The following PISD variants were observed in gnomAD, a reference collection of about 807,000 sequenced individuals.
The protein encoded by PISD is phosphatidylserine decarboxylase proenzyme, mitochondrial.
Under a neutral mutation model 43.5 loss-of-function variants are expected in PISD, and 31 were observed. The observed-to-expected ratio is 0.71, with a 90% CI of 0.54 to 0.96. The LOEUF is 0.96. Ranked by LOEUF, PISD falls within the 40% of genes least tolerant of loss-of-function variation. PISD has a pLI of 0.00. For synonymous variants in PISD, 259 were observed against 228.7 expected (o/e 1.13, Z -1.20); for missense variants, 523 against 548.4 (o/e 0.95, Z 0.46).
intron 3 of PISD, chr22:31,628,819 G>A (rs1287770192): frequency 6.1e-6 from 6 of 985,378 alleles, no homozygotes; most frequent in Admixed American, 6.1e-5. Flanking sequence ...CTAGGAGCGC[G>A]ACGCAGCCTC....
intron 1 of PISD, among the ~76,000 whole-genome samples, chr22:31,651,140 T>C (rs753394539): frequency 2.0e-5 from 3 of 152,062 alleles, no homozygotes; most frequent in Non-Finnish European, 4.4e-5. Context: ...ACTTTAGTAT[T>C]TTTAGTAGAG....
At chr22:31,646,750 G>T (rs2073898375) in intron 3 of PISD, among the ~76,000 whole-genome samples, 2 of 152,272 alleles carry the variant, frequency 1.3e-5, no homozygotes, top group East Asian at 1.9e-4. Flanking sequence ...AATGGAAAAT[G>T]ATGTTTACAG....
At chr22:31,661,711 T>G (rs1045088018) in intron 1 of PISD, among the ~76,000 whole-genome samples, 5 of 152,172 alleles carry the variant, frequency 3.3e-5, no homozygotes, top group Non-Finnish European at 5.9e-5. Flanking sequence ...TGAGATTACC[T>G]AACCTAACCC....
Position 31,618,814 on chromosome 22 carries a change from G to C in PISD, c.*798C>G. The C allele has an allele frequency of 6.0e-6, 1 of 165,484 alleles. No homozygotes were observed. Among genetic ancestry groups the C allele is most frequent in the Non-Finnish European group, 1.3e-5 (1 of 76,570 alleles). 10.3% of individuals were successfully genotyped at this position (165,484 alleles called of 1,614,324 possible). On this transcript the variant is annotated 3_prime_UTR_variant, in exon 8 of 8. Coordinates refer to ENST00000439502, the MANE Select transcript of PISD (RefSeq NM_001326411.2). ...CAGCAACTTTCCCATATTTCATGTAGGGATATGTGGAGGGGGACAGGAACT... is the reference window on the plus strand; with the variant it reads ...CAGCAACTTTCCCATATTTCATGTACGGATATGTGGAGGGGGACAGGAACT...
At chr22:31,631,318 T>C (rs2073197438) in intron 3 of PISD, among the ~76,000 whole-genome samples, 2 of 152,184 alleles carry the variant, frequency 1.3e-5, no homozygotes, top group Non-Finnish European at 2.9e-5. Context: ...AAGCCACCCC[T>C]GCTAGCCCTA....
chr22:31,657,700 T>G lies in PISD; in HGVS notation c.65+4444A>C, dbSNP rs375508415. The stretch of plus-strand genomic sequence containing the variant: ...ACCACACCCGGCTAATTTTTTTTTG[T>G]AGTTTTAGTAGTGACAGGGTTTGTT... On this transcript the variant is annotated intron_variant, in intron 1 of 7. Transcript: ENST00000439502. 4.6e-5 allele frequency among the ~76,000 whole-genome samples: 7 copies of G among 152,056 alleles called. No homozygotes were observed. The East Asian group carries it at 7.8e-4, about 17-fold the overall frequency.
chr22:31,651,662 C>T (rs2074031215), intron 1 of PISD, among the ~76,000 whole-genome samples: 1 of 152,028 alleles, frequency 6.6e-6, no homozygotes, highest in Non-Finnish European at 1.5e-5. Flanking sequence ...GCAGGAGAAT[C>T]ACTTGAACCC....
At chr22:31,654,498 A>G (rs2074113405) in intron 1 of PISD, among the ~76,000 whole-genome samples, 1 of 152,116 alleles carries the variant, frequency 6.6e-6, no homozygotes, top group Non-Finnish European at 1.5e-5. Context: ...CTGAGTCTGT[A>G]GAAGACAGGA....
chr22:31,648,411 C>T, intron 2 of PISD, 135 bp from the exon 3 acceptor site: 1 of 684,044 alleles, frequency 1.5e-6, no homozygotes, highest in East Asian at 2.8e-5. Flanking sequence ...AGGCACATGG[C>T]TCACGCCTGT....
At chr22:31,620,503 AC>A in intron 7 of PISD, 49 bp downstream of exon 7, 2 of 1,581,044 alleles carry the variant, frequency 1.3e-6, no homozygotes, top group Non-Finnish European at 1.7e-6. Flanking sequence ...AGGCAGGTAG[AC>A]CCAAGAGGTC....
intron 3 of PISD, chr22:31,625,747 G>A: frequency 6.3e-7 from 1 of 1,575,472 alleles, no homozygotes; most frequent in South Asian, 1.2e-5. Context: ...TTAGGGCGCG[G>A]TGGGCAGCAT....
At chr22:31,632,465 A>G (rs2073245221) in intron 3 of PISD, among the ~76,000 whole-genome samples, 1 of 152,194 alleles carries the variant, frequency 6.6e-6, no homozygotes, top group South Asian at 2.1e-4. Context: ...CATAACACTG[A>G]TGAGAAAAAA....
At position 31,621,790 on chromosome 22, in the gene PISD, G is replaced by C; in HGVS notation, c.417C>G (p.Val139=). 6.2e-7 allele frequency: 1 copy of C among 1,613,974 alleles called. No individual in the cohort carries two copies. The highest frequency in any genetic ancestry group is 1.6e-4 in the Middle Eastern group (1 of 6,062). ...CAAACGTCCAGATGTACAGGCTGTA[G>C]ACGGGCCTGCGCAGCCAGTGTGGCA... ...VELPHWLRRP[V]YSLYIWTFGV... is the part of the protein sequence containing the mutation. The change falls in exon 4 of 8, where the codon GTC becomes GTG. Residue 139 remains valine (V), a synonymous_variant. Coordinates refer to ENST00000439502, the MANE Select transcript of PISD (RefSeq NM_001326411.2).
chr22:31,628,410 G>A (rs956796033), intron 3 of PISD, among the ~76,000 whole-genome samples: 7 of 152,236 alleles, frequency 4.6e-5, no homozygotes, highest in African/African-American at 1.7e-4. Context: ...GGGAGCCTCA[G>A]GCCCTGGATG....
intron 3 of PISD, among the ~76,000 whole-genome samples, chr22:31,634,181 C>A (rs1420099554): frequency 1.3e-5 from 2 of 152,220 alleles, no homozygotes; most frequent in Non-Finnish European, 2.9e-5. Context: ...AAAAGGTGTC[C>A]TCAGCTAATT....
chr22:31,620,477 C>T (rs7284695), intron 7 of PISD, 76 bp downstream of exon 7: 41 of 1,452,728 alleles, frequency 2.8e-5, no homozygotes, highest in South Asian at 1.8e-4. Flanking sequence ...CCAACGCATC[C>T]GCCGCACAGC....
At chr22:31,634,856 TAGAA>T (rs938045664) in intron 3 of PISD, among the ~76,000 whole-genome samples, 3 of 85,380 alleles carry the variant, frequency 3.5e-5, no homozygotes, top group African/African-American at 1.3e-4. Context: ...AAAAAAAAAA[TAGAA>T]AAAGAAAAAG....
chr22:31,657,584 G>A (rs990571351), intron 1 of PISD, among the ~76,000 whole-genome samples: 13 of 151,846 alleles, frequency 8.6e-5, no homozygotes, highest in African/African-American at 2.2e-4. Flanking sequence ...GTGCAATGGC[G>A]CAATCTCAGC....
Position 31,650,790 on chromosome 22 carries a change from CA to C in PISD, c.66-13del. ...CACAGGGATGGAGGCTATAACCAAG[CA>C]AAAATGAACCATTAAATATTATTCT... On this transcript the variant is annotated splice_polypyrimidine_tract_variant and intron_variant, in intron 1 of 7. Coordinates refer to ENST00000439502, the MANE Select transcript of PISD (RefSeq NM_001326411.2). 6.7e-7 allele frequency: 1 copy of C among 1,488,228 alleles called. No individual in the cohort carries two copies. The highest frequency in any genetic ancestry group is 9.1e-7 in the Non-Finnish European group (1 of 1,096,940). The allele number at this position is 1,488,228 out of a possible 1,614,324, so 92.2% of individuals were successfully genotyped here.
Sources: gnomAD v4.1 joint callset for allele counts (sites outside exome capture counted in the v4.1 genomes callset) on GRCh38, gnomAD v4.1.1 for gene constraint, MANE v1.5 for transcripts, NCBI Gene and HGNC (gene_info 2026-07-23, HGNC 2026-07-21) for gene names.